Variants in AGAP1 observed in about 807,000 individuals in gnomAD.
AGAP1 encodes the protein ArfGAP with GTPase domain, ankyrin repeat and PH domain 1, also known as arf-GAP with GTPase, ANK repeat and PH domain-containing protein 1.
Under a neutral mutation model 105.3 loss-of-function variants are expected in AGAP1, and 29 were observed. That is an observed-to-expected ratio of 0.28 (90% CI 0.21 to 0.38). The LOEUF (loss-of-function observed/expected upper bound fraction) is 0.38. Ranked by LOEUF, AGAP1 falls within the 10% of genes least tolerant of loss-of-function variation. AGAP1 has a pLI of 1.00. For synonymous variants in AGAP1, 509 were observed against 485.9 expected (o/e 1.05, Z -0.63); for missense variants, 998 against 1,165.1 (o/e 0.86, Z 2.09).
intron 1 of AGAP1, among the ~76,000 whole-genome samples, chr2:235,502,213 G>A (rs1342451390): frequency 6.6e-6 from 1 of 152,140 alleles, no homozygotes; most frequent in African/African-American, 2.4e-5. Context: ...AGAGACCATG[G>A]CCAGAAGTGG....
chr2:235,865,451 A>G lies in AGAP1; in HGVS notation c.1051-17894A>G, dbSNP rs915384788. On this transcript the variant is annotated intron_variant, in intron 9 of 17. Coordinates refer to ENST00000304032, the MANE Select transcript of AGAP1 (RefSeq NM_001037131.3). This position sits in a 1 kb window ranked among gnomAD's most constrained non-coding sequence, Gnocchi z 6.2. ...TCGGGGCTTTATACGATTGCTGGAG[A>G]TGCTGACAGCTCAATTAAAGTGTAA... 6.6e-6 allele frequency among the ~76,000 whole-genome samples: 1 copy of G among 152,164 alleles called. No individual in the cohort carries two copies.
At position 235,951,657 on chromosome 2, in the gene AGAP1, C is replaced by T. The variant is rs867586295; in HGVS notation, c.1484-16805C>T. On this transcript the variant is annotated intron_variant, in intron 12 of 17. Coordinates refer to ENST00000304032, the MANE Select transcript of AGAP1 (RefSeq NM_001037131.3). This position sits in a 1 kb window ranked among gnomAD's most constrained non-coding sequence, Gnocchi z 4.2. ...AGGTGGCTCGTGTCACTACCCTTTG[C>T]TACAGCTGTTGTTTCTCACTGATTC... Among the ~76,000 whole-genome samples the T allele has an allele frequency of 6.6e-6, 1 of 152,152 alleles. No homozygotes were observed. The highest frequency in any genetic ancestry group is 1.9e-4 in the East Asian group (1 of 5,196).
In AGAP1 at chr2:235,882,242, G is replaced by T. The variant is rs1390566671; in HGVS notation, c.1051-1103G>T. On this transcript the variant is annotated intron_variant, in intron 9 of 17. Transcript: ENST00000304032. This position sits in a 1 kb window ranked among gnomAD's most constrained non-coding sequence, Gnocchi z 4.6. ...CAGAGACCCACAGGCCAGTGGCATCGGTGCAGAGTGCCCAGGTTCACAATG... is the reference window on the plus strand; with the variant it reads ...CAGAGACCCACAGGCCAGTGGCATCTGTGCAGAGTGCCCAGGTTCACAATG... The T allele has an allele frequency of 2.2e-6, 1 of 456,362 alleles. No homozygotes were observed. The highest frequency in any genetic ancestry group is 4.3e-5 in the East Asian group (1 of 23,294). 28.3% of individuals were successfully genotyped at this position (456,362 alleles called of 1,614,324 possible). A position where few individuals can be genotyped will look rare whatever the true frequency, so the allele number is the denominator to read the frequency against.
rs144897093 is a variant in AGAP1 at position 235,854,630 on chromosome 2, G to A, written c.1051-28715G>A. Among the ~76,000 whole-genome samples, 280 of 152,330 alleles carry A rather than the reference G, an allele frequency of 1.8e-3. 1 individual carries two copies. Among genetic ancestry groups the A allele is most frequent in the African/African-American group, 5.8e-3 (243 of 41,570 alleles). ...GACCAGCTTGGAGCCTGGGGCTGCC[G>A]CGTCCGCTTACCAGTGGTGGACTTG... On this transcript the variant is annotated intron_variant, in intron 9 of 17. Transcript: ENST00000304032.
intron 1 of AGAP1, among the ~76,000 whole-genome samples, chr2:235,676,748 A>G (rs931242887): frequency 6.6e-6 from 1 of 152,174 alleles, no homozygotes. Flanking sequence ...GCTATTGTCA[A>G]TTTGTTTTCC....
intron 8 of AGAP1, among the ~76,000 whole-genome samples, chr2:235,806,513 C>A (rs1054974295): frequency 6.6e-6 from 1 of 152,180 alleles, no homozygotes; most frequent in Admixed American, 6.5e-5. Flanking sequence ...GGTCACCACC[C>A]TTCCTGCCCG....
chr2:235,847,565 A>G (rs1473358418), intron 9 of AGAP1, among the ~76,000 whole-genome samples: 1 of 152,272 alleles, frequency 6.6e-6, no homozygotes, highest in Non-Finnish European at 1.5e-5. Flanking sequence ...TGTTCTAGCC[A>G]TAGTAAATTA....
intron 3 of AGAP1, among the ~76,000 whole-genome samples, chr2:235,718,963 T>C (rs530896230): frequency 5.9e-5 from 9 of 152,346 alleles, no homozygotes; most frequent in Admixed American, 2.6e-4. Flanking sequence ...ATATGAATTT[T>C]AGCCACGGCC....
chr2:235,613,031 T>G (rs373775622), intron 1 of AGAP1, among the ~76,000 whole-genome samples: 53 of 151,946 alleles, frequency 3.5e-4, no homozygotes, highest in East Asian at 2.1e-3. Context: ...GTTTTGTTTT[T>G]TTTTTTTTTT....
intron 9 of AGAP1, among the ~76,000 whole-genome samples, chr2:235,836,471 G>A (rs141177534): frequency 2.0e-5 from 3 of 152,192 alleles, no homozygotes; most frequent in African/African-American, 4.8e-5. Context: ...AGCTGCACTC[G>A]TGACTGGGGT....
intron 1 of AGAP1, among the ~76,000 whole-genome samples, chr2:235,515,891 G>A (rs1314479916): frequency 6.6e-6 from 1 of 152,150 alleles, no homozygotes; most frequent in Non-Finnish European, 1.5e-5. Context: ...TATTTAAGGG[G>A]GTGAGGGGAG....
intron 1 of AGAP1, among the ~76,000 whole-genome samples, chr2:235,518,184 A>T (rs773679531): frequency 6.6e-6 from 1 of 152,132 alleles, no homozygotes; most frequent in Admixed American, 6.5e-5. Context: ...CATTGGTTTC[A>T]CTGTGTTGTT....
Position 236,113,290 on chromosome 2 carries a change from G to A in AGAP1, c.2115-6902G>A, listed in dbSNP as rs1478348395. On this transcript the variant is annotated intron_variant, in intron 16 of 17. Coordinates refer to ENST00000304032, the MANE Select transcript of AGAP1 (RefSeq NM_001037131.3). This position sits in a 1 kb window ranked among gnomAD's most constrained non-coding sequence, Gnocchi z 4.3. ...CGAGTAGCTGGGATTACAGGCATCC[G>A]CCACCATGCCCGGCTAATTTTTGTA... 6.6e-6 allele frequency among the ~76,000 whole-genome samples: 1 copy of A among 152,142 alleles called. No individual in the cohort carries two copies. The highest frequency in any genetic ancestry group is 1.5e-5 in the Non-Finnish European group (1 of 68,038).
At position 235,879,149 on chromosome 2, in the gene AGAP1, C is replaced by G. The variant is rs1039632722; in HGVS notation, c.1051-4196C>G. On this transcript the variant is annotated intron_variant, in intron 9 of 17. Transcript: ENST00000304032. This position sits in a 1 kb window ranked among gnomAD's most constrained non-coding sequence, Gnocchi z 5.0. ...AACAAGACACTTCCCCTGTGTAACT[C>G]AGTCCTGGCTTTCAGGGAGCCATGG... 5.3e-5 allele frequency among the ~76,000 whole-genome samples: 8 copies of G among 152,252 alleles called. No homozygotes were observed. Among genetic ancestry groups the G allele is most frequent in the Admixed American group, 5.2e-4 (8 of 15,286 alleles).
chr2:235,543,632 T>G (rs955139229), intron 1 of AGAP1, among the ~76,000 whole-genome samples: 1 of 152,156 alleles, frequency 6.6e-6, no homozygotes, highest in African/African-American at 2.4e-5. Flanking sequence ...ATTACAGTGC[T>G]TGGGAGAGCA....
chr2:235,708,378 G>A (rs371193318), intron 1 of AGAP1, among the ~76,000 whole-genome samples: 2 of 152,124 alleles, frequency 1.3e-5, no homozygotes, highest in African/African-American at 4.8e-5. Context: ...ATGGCATGTG[G>A]TGGGTGTGGA....
intron 12 of AGAP1, among the ~76,000 whole-genome samples, chr2:235,956,568 G>T (rs967378593): frequency 1.3e-5 from 2 of 152,208 alleles, no homozygotes; most frequent in African/African-American, 4.8e-5. Context: ...AAACGGATGG[G>T]GTGCAAAGAA....
At chr2:235,541,510 C>G (rs945921032) in intron 1 of AGAP1, among the ~76,000 whole-genome samples, 2 of 150,998 alleles carry the variant, frequency 1.3e-5, no homozygotes. Context: ...GCCTCAGCCT[C>G]CTGAGTAGCT....
chr2:235,658,123 C>T lies in AGAP1; in HGVS notation c.164-51056C>T, dbSNP rs112985684. On this transcript the variant is annotated intron_variant, in intron 1 of 17. Coordinates refer to ENST00000304032, the MANE Select transcript of AGAP1 (RefSeq NM_001037131.3). ...CAGTGATGGCTTCAAATGTTATGAA[C>T]ATTAAAATCTTTCTATTGCTAGGGA... Among the ~76,000 whole-genome samples, 105 of 152,294 alleles carry T rather than the reference C, an allele frequency of 6.9e-4. 1 individual carries two copies. The East Asian group carries it at 0.017, about 25-fold the overall frequency.
Sources: gnomAD v4.1 joint callset for allele counts (sites outside exome capture counted in the v4.1 genomes callset) on GRCh38, gnomAD v4.1.1 for gene constraint, Gnocchi (gnomAD v3.1) non-coding constraint, MANE v1.5 for transcripts, NCBI Gene and HGNC (gene_info 2026-07-23, HGNC 2026-07-21) for gene names.